The following NUP93 variants were observed in gnomAD, a reference collection of about 807,000 sequenced individuals.
NUP93 encodes the protein nucleoporin 93, also known as nuclear pore complex protein Nup93.
A neutral mutation model predicts 107.8 loss-of-function variants in NUP93; 55 were observed. The observed-to-expected ratio is 0.51, with a 90% CI of 0.41 to 0.64. The LOEUF is 0.64. NUP93 is among the 30% of genes least tolerant of loss of function. The pLI is 0.00. For missense variants in NUP93, 937 were observed against 1,044.7 expected, an observed-to-expected ratio of 0.90 and a Z score of 1.42; for synonymous variants, 390 against 397.5, an observed-to-expected ratio of 0.98 and a Z score of 0.22.
intron 4 of NUP93, among the ~76,000 whole-genome samples, chr16:56,800,295 G>T (rs1336849832): frequency 1.3e-5 from 2 of 151,862 alleles, no homozygotes; most frequent in Non-Finnish European, 2.9e-5. Context: ...TTTTAAAAGG[G>T]TTTTTTTTGG....
intron 1 of NUP93, among the ~76,000 whole-genome samples, chr16:56,739,923 C>T (rs1597100153): frequency 8.8e-6 from 1 of 113,784 alleles, no homozygotes; most frequent in African/African-American, 3.6e-5. Context: ...CCCTCCCGGA[C>T]GGGGCGGCTG....
rs556346792 is a variant in NUP93, at chr16:56,848,488, C to G, written c.*3879C>G. ...GTCTAAACTGTGGAAGAAAATATCCCCCATTCTTTATCCTACGCTGAATCC... is the reference window on the plus strand; with the variant it reads ...GTCTAAACTGTGGAAGAAAATATCCGCCATTCTTTATCCTACGCTGAATCC... On this transcript the variant is annotated 3_prime_UTR_variant, in exon 22 of 22. Coordinates refer to ENST00000308159, the MANE Select transcript of NUP93 (RefSeq NM_014669.5). The G allele has an allele frequency of 6.6e-6, 1 of 152,270 alleles. No homozygotes were observed. The highest frequency in any genetic ancestry group is 2.1e-4 in the South Asian group (1 of 4,814). The allele number at this position is 152,270 out of a possible 1,614,324, so 9.4% of individuals were successfully genotyped here. A position where few individuals can be genotyped will look rare whatever the true frequency, so the allele number is the denominator to read the frequency against.
chr16:56,841,035 G>A (rs1424427305), intron 20 of NUP93, among the ~76,000 whole-genome samples: 3 of 151,846 alleles, frequency 2.0e-5, no homozygotes, highest in Non-Finnish European at 2.9e-5. Flanking sequence ...AGAGAAAGAA[G>A]TAAGGCCAGT....
chr16:56,734,916 C>T (rs1181683838), intron 1 of NUP93, among the ~76,000 whole-genome samples: 1 of 152,150 alleles, frequency 6.6e-6, no homozygotes, highest in African/African-American at 2.4e-5. Flanking sequence ...ACCCTACTGT[C>T]TGTGCCCATC....
At chr16:56,824,337 T>A (rs1963613801) in intron 8 of NUP93, among the ~76,000 whole-genome samples, 1 of 152,178 alleles carries the variant, frequency 6.6e-6, no homozygotes, top group African/African-American at 2.4e-5. Flanking sequence ...TGCCTGTGAT[T>A]TATGCCTGGG....
intron 3 of NUP93, among the ~76,000 whole-genome samples, chr16:56,785,960 C>G (rs1241445118): frequency 6.6e-6 from 1 of 152,130 alleles, no homozygotes; most frequent in Non-Finnish European, 1.5e-5. Flanking sequence ...AAAATTTACT[C>G]CTTCCAACAC....
intron 3 of NUP93, among the ~76,000 whole-genome samples, chr16:56,770,395 G>T (rs1251510375): frequency 6.6e-6 from 1 of 152,178 alleles, no homozygotes; most frequent in Admixed American, 6.5e-5. Context: ...CTTTTGACTG[G>T]AATAAAGGGT....
intron 10 of NUP93, chr16:56,831,608 T>C: frequency 4.4e-6 from 2 of 451,236 alleles, no homozygotes; most frequent in Non-Finnish European, 8.1e-6. Context: ...CACCTGCCCA[T>C]GAAGGCCTCA....
intron 5 of NUP93, among the ~76,000 whole-genome samples, chr16:56,812,402 G>A (rs1033908090): frequency 9.9e-5 from 15 of 151,984 alleles, no homozygotes; most frequent in Non-Finnish European, 1.8e-4. Flanking sequence ...GGAGTGCAGT[G>A]GCGCGATCTT....
intron 7 of NUP93, among the ~76,000 whole-genome samples, chr16:56,823,412 C>T (rs971416802): frequency 1.3e-5 from 2 of 152,140 alleles, no homozygotes; most frequent in Admixed American, 6.5e-5. Context: ...TCAGTGTTCT[C>T]GTGACTTGTA....
At chr16:56,772,527 T>C (rs1962340231) in intron 3 of NUP93, among the ~76,000 whole-genome samples, 1 of 152,240 alleles carries the variant, frequency 6.6e-6, no homozygotes, top group Admixed American at 6.5e-5. Flanking sequence ...CTGCCTTTCC[T>C]CTGACCATTT....
chr16:56,841,311 G>A (rs562708929), intron 20 of NUP93, among the ~76,000 whole-genome samples: 8 of 152,318 alleles, frequency 5.3e-5, no homozygotes, highest in African/African-American at 1.7e-4. Context: ...AGAGAGTGAG[G>A]AGTGGTAGGG....
At chr16:56,827,867 C>T (rs1032973171) in intron 8 of NUP93, among the ~76,000 whole-genome samples, 51 of 152,172 alleles carry the variant, frequency 3.4e-4, no homozygotes, top group South Asian at 2.1e-4. Context: ...TGCCTGTAAT[C>T]CCAGCACTTT....
intron 2 of NUP93, among the ~76,000 whole-genome samples, chr16:56,754,975 AAGAT>A (rs1961992257): frequency 6.6e-6 from 1 of 152,222 alleles, no homozygotes; most frequent in South Asian, 2.1e-4. Flanking sequence ...TGTAATCAAA[AAGAT>A]AGTAACAAGT....
chr16:56,763,227 A>G (rs1962156918), intron 3 of NUP93, among the ~76,000 whole-genome samples: 1 of 152,186 alleles, frequency 6.6e-6, no homozygotes, highest in African/African-American at 2.4e-5. Flanking sequence ...GGTCCCAACT[A>G]AGTTTCTCAT....
intron 3 of NUP93, among the ~76,000 whole-genome samples, chr16:56,780,844 A>G (rs1465158748): frequency 3.3e-5 from 5 of 152,024 alleles, no homozygotes; most frequent in East Asian, 1.9e-4. Flanking sequence ...GAATGGTTCT[A>G]TTTTCCTTTT....
intron 5 of NUP93, among the ~76,000 whole-genome samples, chr16:56,809,880 G>A (rs1242212457): frequency 1.3e-5 from 2 of 152,150 alleles, no homozygotes; most frequent in Non-Finnish European, 2.9e-5. Context: ...CTTTGGAAAC[G>A]AAAAACAAAT....
In NUP93 at chr16:56,770,213, A is replaced by G. The variant is rs114712623; in HGVS notation, c.297+11558A>G. ...AGTGAGTATGCAAGAGTAGGTGACA[A>G]TTAGGTTTGCCTGGTTCCACTCTGC... is the stretch of plus-strand genomic sequence containing the variant. On this transcript the variant is annotated intron_variant, in intron 3 of 21. Transcript: ENST00000308159. 8.0e-3 allele frequency among the ~76,000 whole-genome samples: 1,212 copies of G among 152,286 alleles called. 24 individuals carry two copies. The highest frequency in any genetic ancestry group is 0.027 in the African/African-American group (1,126 of 41,550).
chr16:56,792,651 ATGTG>A (rs1962794478), intron 3 of NUP93, among the ~76,000 whole-genome samples: 1 of 152,246 alleles, frequency 6.6e-6, no homozygotes, highest in African/African-American at 2.4e-5. Flanking sequence ...CTAGAACCAG[ATGTG>A]TGTAACACAC....
Sources: gnomAD v4.1 joint callset for allele counts (sites outside exome capture counted in the v4.1 genomes callset) on GRCh38, gnomAD v4.1.1 for gene constraint, MANE v1.5 for transcripts, NCBI Gene and HGNC (gene_info 2026-07-23, HGNC 2026-07-21) for gene names.